Variants in FAM149A observed in about 807,000 individuals in gnomAD.
The protein encoded by FAM149A is protein FAM149A.
In FAM149A, 71 loss-of-function variants were observed where a neutral mutation model predicts 78.2. That is an observed-to-expected ratio of 0.91 (90% CI 0.75 to 1.11). The LOEUF (loss-of-function observed/expected upper bound fraction) is 1.11, where lower values mean the gene tolerates loss of function less well. FAM149A is among the 50% of genes least tolerant of loss of function. The probability of loss-of-function intolerance (pLI) is 0.00; values close to 1 mark genes in which losing one functional copy is unlikely to be tolerated. For synonymous variants in FAM149A, 446 were observed against 410.5 expected (o/e 1.09, Z -1.04); for missense variants, 1,036 against 971.0 (o/e 1.07, Z -0.89).
chr4:186,111,990 A>G (rs1481267939), intron 1 of FAM149A, among the ~76,000 whole-genome samples: 15 of 151,084 alleles, frequency 9.9e-5, no homozygotes, highest in African/African-American at 3.4e-4. Context: ...CTTGGGCAGT[A>G]TGGCCATTTT....
intron 1 of FAM149A, among the ~76,000 whole-genome samples, chr4:186,139,873 T>A (rs1006804098): frequency 1.3e-5 from 2 of 152,226 alleles, no homozygotes; most frequent in African/African-American, 2.4e-5. Flanking sequence ...ATGATACCCA[T>A]GTAAAGCCAG....
intron 1 of FAM149A, among the ~76,000 whole-genome samples, chr4:186,139,436 G>A (rs980241618): frequency 1.3e-5 from 2 of 151,752 alleles, no homozygotes; most frequent in East Asian, 3.9e-4. Flanking sequence ...CAAAGCCCTC[G>A]TGAGTGGGAT....
chr4:186,132,049 A>G (rs561890797), intron 1 of FAM149A: 1 of 985,472 alleles, frequency 1.0e-6, no homozygotes, highest in South Asian at 4.7e-5. Context: ...AACACAAAAC[A>G]CAAAATAGCT....
intron 1 of FAM149A, chr4:186,127,293 C>A: frequency 1.0e-6 from 1 of 983,294 alleles, no homozygotes; most frequent in South Asian, 4.7e-5. Flanking sequence ...GTTAGTCTAC[C>A]AGCACACTGC....
chr4:186,162,831 TTTACTG>T lies in FAM149A; in HGVS notation c.1576-11_1576-6del. On this transcript the variant is annotated splice_polypyrimidine_tract_variant and splice_region_variant and intron_variant, in intron 8 of 13. Transcript: ENST00000389354. ...AATTCTTTTTTTTTTTTTTTTTTTTTTTACTGTTCTCAGATTCATCACTTCTCCAGC... is the reference window on the plus strand; with the variant it reads ...AATTCTTTTTTTTTTTTTTTTTTTTTTTCTCAGATTCATCACTTCTCCAGC... 1 of 1,020,580 alleles carries T rather than the reference TTTACTG, an allele frequency of 9.8e-7. No homozygotes were observed. The highest frequency in any genetic ancestry group is 1.5e-6 in the Non-Finnish European group (1 of 674,006). The allele number at this position is 1,020,580 out of a possible 1,614,324, so 63.2% of individuals were successfully genotyped here.
chr4:186,137,574 A>C (rs2099323998), intron 1 of FAM149A, among the ~76,000 whole-genome samples: 1 of 152,114 alleles, frequency 6.6e-6, no homozygotes, highest in Admixed American at 6.5e-5. Flanking sequence ...ATAAAGTATT[A>C]AAATCTGGGC....
At chr4:186,145,770 C>T (rs1732985669) in intron 1 of FAM149A, among the ~76,000 whole-genome samples, 1 of 152,202 alleles carries the variant, frequency 6.6e-6, no homozygotes, top group Non-Finnish European at 1.5e-5. Flanking sequence ...ATAGAACTTG[C>T]ATGTCTATGT....
Position 186,105,573 on chromosome 4 carries a change from C to A in FAM149A, c.497C>A (p.Thr166Asn). ...GTGGCCCCCGGGGCTGGCCCCAGAACCCTGTTCCTTACGCTGCCTGACATC... is the reference window on the plus strand; with the variant it reads ...GTGGCCCCCGGGGCTGGCCCCAGAAACCTGTTCCTTACGCTGCCTGACATC... Residue 166 changes from threonine to asparagine, a missense_variant, in exon 1 of 14, where the codon ACC becomes AAC. By Grantham distance (65) the Thr-to-Asn change is moderately conservative. Transcript: ENST00000389354. The A allele has an allele frequency of 9.2e-7, 1 of 1,092,662 alleles. No individual in the cohort carries two copies. Among genetic ancestry groups the A allele is most frequent in the Non-Finnish European group, 1.1e-6 (1 of 892,850 alleles). The allele number at this position is 1,092,662 out of a possible 1,614,324, so 67.7% of individuals were successfully genotyped here.
chr4:186,122,491 T>A (rs920434852), intron 1 of FAM149A, among the ~76,000 whole-genome samples: 3 of 152,190 alleles, frequency 2.0e-5, no homozygotes, highest in Non-Finnish European at 4.4e-5. Flanking sequence ...TTAGGAAATG[T>A]ATGGTAAGGT....
chr4:186,154,538 A>G lies in FAM149A; in HGVS notation c.1129A>G (p.Thr377Ala), dbSNP rs759231849. 8.1e-6 allele frequency: 13 copies of G among 1,613,898 alleles called. No homozygotes were observed. The highest frequency in any genetic ancestry group is 1.7e-5 in the Admixed American group (1 of 59,994). The change falls in exon 6 of 14, where the codon ACA becomes GCA. Residue 377 changes from threonine to alanine, a missense_variant. Physicochemically the swap from Thr to Ala is moderately conservative, Grantham distance 58 (BLOSUM62 0). Transcript: ENST00000389354. ...CTCTGCCCTGCCAGGCCCTGATGAC[A>G]CAGGGGTTGCTGACCTAACGGCACG...
intron 1 of FAM149A, among the ~76,000 whole-genome samples, chr4:186,143,286 C>A (rs974460075): frequency 8.0e-5 from 12 of 150,936 alleles, no homozygotes; most frequent in South Asian, 4.2e-4. Flanking sequence ...GCCATCACAC[C>A]AGACTCCTTT....
intron 1 of FAM149A, chr4:186,109,089 T>C (rs1447579525): frequency 5.0e-4 from 264 of 523,728 alleles, no homozygotes; most frequent in African/African-American, 4.3e-3. Flanking sequence ...CCTTGTAATT[T>C]GCCCGCCTCG....
chr4:186,142,889 AT>A (rs1484541714), intron 1 of FAM149A, among the ~76,000 whole-genome samples: 1 of 152,158 alleles, frequency 6.6e-6, no homozygotes, highest in Non-Finnish European at 1.5e-5. Flanking sequence ...ATGACTGTTG[AT>A]TTAATCTACA....
At chr4:186,169,123 T>C (rs1034143977) in intron 13 of FAM149A, 48 of 878,022 alleles carry the variant, frequency 5.5e-5, no homozygotes, top group Non-Finnish European at 6.3e-5. Flanking sequence ...GGAGTGGGAA[T>C]TGGGTTCTGA....
intron 7 of FAM149A, among the ~76,000 whole-genome samples, chr4:186,156,406 G>A (rs1284663589): frequency 1.3e-5 from 2 of 152,150 alleles, no homozygotes; most frequent in Non-Finnish European, 2.9e-5. Context: ...GGGTGCGGTG[G>A]CTCACGCCTG....
chr4:186,144,929 GC>G lies in FAM149A; in HGVS notation c.567-4243del, dbSNP rs1732892546. On this transcript the variant is annotated intron_variant, in intron 1 of 13. Transcript: ENST00000389354. This position sits in a 1 kb window ranked among gnomAD's most constrained non-coding sequence, Gnocchi z 4.2. ...CTGAGCTGGGCCAGCCGCGCGGCGG[GC>G]GCGGGCGCGGGCGCGGGCGCGGGCG... The G allele has an allele frequency of 9.2e-5, 1 of 10,848 alleles. No individual in the cohort carries two copies. Among genetic ancestry groups the G allele is most frequent in the Non-Finnish European group, 1.1e-4 (1 of 8,820 alleles). 0.7% of individuals were successfully genotyped at this position (10,848 alleles called of 1,614,324 possible).
rs184484245 is a variant in FAM149A at position 186,124,120 on chromosome 4, A to C, written c.566+18478A>C. ...TGTATCCTTGGTCAGAAAAGGATGG[A>C]CTTACGATAAGATACCAAGATACAT... On this transcript the variant is annotated intron_variant, in intron 1 of 13. Coordinates refer to ENST00000389354, the MANE Select transcript of FAM149A (RefSeq NM_001367768.3). The C allele has an allele frequency of 3.2e-4, 320 of 984,994 alleles. 9 individuals are homozygous for C. The East Asian group carries it at 0.025, about 77-fold the overall frequency. 61.0% of individuals were successfully genotyped at this position (984,994 alleles called of 1,614,324 possible). A position where few individuals can be genotyped will look rare whatever the true frequency, so the allele number is the denominator to read the frequency against.
At chr4:186,162,471 T>C (rs1734685340) in intron 8 of FAM149A, among the ~76,000 whole-genome samples, 1 of 152,172 alleles carries the variant, frequency 6.6e-6, no homozygotes, top group African/African-American at 2.4e-5. Context: ...CTCCGGGATC[T>C]CAGAGCATGG....
intron 1 of FAM149A, chr4:186,123,965 T>C: frequency 3.0e-6 from 3 of 985,220 alleles, no homozygotes; most frequent in Non-Finnish European, 3.6e-6. Context: ...ATTTGCCATC[T>C]TAACTAGATA....
Sources: gnomAD v4.1 joint callset for allele counts (sites outside exome capture counted in the v4.1 genomes callset) on GRCh38, gnomAD v4.1.1 for gene constraint, Gnocchi (gnomAD v3.1) non-coding constraint, MANE v1.5 for transcripts, NCBI Gene and HGNC (gene_info 2026-07-23, HGNC 2026-07-21) for gene names.